Variants in GTF2E2 observed in about 807,000 individuals in gnomAD.
The protein encoded by GTF2E2 is transcription initiation factor IIE subunit beta.
In GTF2E2, 21 loss-of-function variants were observed where a neutral mutation model predicts 40.5. The ratio of observed to expected loss-of-function variants is 0.52; its 90% CI spans 0.37 to 0.75. The LOEUF is 0.75. GTF2E2 is among the 30% of genes least tolerant of loss of function. The pLI is 0.00. For synonymous variants in GTF2E2, 117 were observed against 121.6 expected (o/e 0.96, Z 0.25); for missense variants, 298 against 338.4 (o/e 0.88, Z 0.94).
chr8:30,598,094 A>G (rs1434316203), intron 6 of GTF2E2, among the ~76,000 whole-genome samples: 2 of 152,212 alleles, frequency 1.3e-5, no homozygotes, highest in African/African-American at 4.8e-5. Flanking sequence ...TAGAATATGT[A>G]TTACATATCT....
At chr8:30,591,015 A>G (rs888302046) in intron 6 of GTF2E2, among the ~76,000 whole-genome samples, 6 of 152,154 alleles carry the variant, frequency 3.9e-5, no homozygotes, top group Admixed American at 3.3e-4. Flanking sequence ...TTTATACCTC[A>G]TAAGACACCA....
intron 2 of GTF2E2, among the ~76,000 whole-genome samples, chr8:30,644,986 G>A (rs1802015183): frequency 6.6e-6 from 1 of 152,264 alleles, no homozygotes; most frequent in Non-Finnish European, 1.5e-5. Flanking sequence ...CTGGGCTCAA[G>A]TGATCTGCCC....
intron 3 of GTF2E2, among the ~76,000 whole-genome samples, chr8:30,627,669 A>G (rs1801328831): frequency 6.6e-6 from 1 of 152,162 alleles, no homozygotes; most frequent in Non-Finnish European, 1.5e-5. Context: ...CACTATTTAA[A>G]AAAAGTCTTG....
chr8:30,578,790 G>A lies in GTF2E2; in HGVS notation c.*131C>T, dbSNP rs138179046. 1 of 632,362 alleles carries A rather than the reference G, an allele frequency of 1.6e-6. No homozygotes were observed. Among genetic ancestry groups the A allele is most frequent in the African/African-American group, 1.8e-5 (1 of 54,846 alleles). The allele number at this position is 632,362 out of a possible 1,614,324, so 39.2% of individuals were successfully genotyped here. On this transcript the variant is annotated 3_prime_UTR_variant, in exon 8 of 8. Transcript: ENST00000355904. ...GCTTTGAGTTTGGTAATTTGCACTTGTTTTGTAAACTGAACTGCTCCTCTC... is the reference window on the plus strand; with the variant it reads ...GCTTTGAGTTTGGTAATTTGCACTTATTTTGTAAACTGAACTGCTCCTCTC...
rs146940269 is a variant in GTF2E2 at position 30,633,648 on chromosome 8, A to C, written c.258+1384T>G. Among the ~76,000 whole-genome samples, 579 of 152,318 alleles carry C rather than the reference A, an allele frequency of 3.8e-3. 2 individuals are homozygous for C. The highest frequency in any genetic ancestry group is 0.013 in the African/African-American group (532 of 41,580). ...CACATAGGGAAGTGAAGACCATATT[A>C]ACAGAGTAGCAAAAACATGACACTT... On this transcript the variant is annotated intron_variant, in intron 3 of 7. Coordinates refer to ENST00000355904, the MANE Select transcript of GTF2E2 (RefSeq NM_002095.6).
At chr8:30,592,804 A>G (rs1244411601) in intron 6 of GTF2E2, among the ~76,000 whole-genome samples, 1 of 152,246 alleles carries the variant, frequency 6.6e-6, no homozygotes, top group Non-Finnish European at 1.5e-5. Flanking sequence ...ACCAAAAGAC[A>G]TGGAGGGCCA....
intron 2 of GTF2E2, chr8:30,638,768 T>C (rs565787308): frequency 1.3e-5 from 2 of 152,514 alleles, no homozygotes; most frequent in South Asian, 4.1e-4. Context: ...AATGTATTCG[T>C]TTCACCGCTT....
chr8:30,585,775 A>T (rs1384309979), intron 6 of GTF2E2, among the ~76,000 whole-genome samples: 8 of 12,712 alleles, frequency 6.3e-4, no homozygotes, highest in African/African-American at 2.4e-3. Flanking sequence ...TGCCCTTTAA[A>T]AAAAAAAAAA....
At chr8:30,634,617 A>T (rs1302440850) in intron 3 of GTF2E2, among the ~76,000 whole-genome samples, 1 of 152,202 alleles carries the variant, frequency 6.6e-6, no homozygotes, top group East Asian at 1.9e-4. Flanking sequence ...CTCCTCCAAG[A>T]TGCAGAGAAG....
chr8:30,626,424 G>T (rs546733315), intron 3 of GTF2E2, among the ~76,000 whole-genome samples: 2 of 152,322 alleles, frequency 1.3e-5, no homozygotes, highest in East Asian at 3.9e-4. Flanking sequence ...GGTGGAGGTT[G>T]CAGTGAGCCG....
intron 2 of GTF2E2, among the ~76,000 whole-genome samples, chr8:30,642,494 T>G (rs537460384): frequency 6.6e-6 from 1 of 152,302 alleles, no homozygotes; most frequent in South Asian, 2.1e-4. Flanking sequence ...ATAAATAATA[T>G]ATTTAAATTG....
chr8:30,633,828 C>T (rs1312320222), intron 3 of GTF2E2, among the ~76,000 whole-genome samples: 4 of 152,096 alleles, frequency 2.6e-5, no homozygotes, highest in Non-Finnish European at 5.9e-5. Flanking sequence ...TGAATACTTA[C>T]GTGTCAAAAT....
chr8:30,583,062 G>A (rs550070780), intron 6 of GTF2E2, among the ~76,000 whole-genome samples: 21 of 152,060 alleles, frequency 1.4e-4, no homozygotes, highest in East Asian at 9.7e-4. Flanking sequence ...GGCTGGGCAC[G>A]GTGGCTCATG....
intron 3 of GTF2E2, among the ~76,000 whole-genome samples, chr8:30,625,608 T>A (rs1277554585): frequency 6.6e-6 from 1 of 151,312 alleles, no homozygotes; most frequent in Admixed American, 6.6e-5. Flanking sequence ...GGGCACTGTC[T>A]GTTGTTTTTT....
At chr8:30,650,076 C>A (rs1802220389) in intron 2 of GTF2E2, among the ~76,000 whole-genome samples, 1 of 152,060 alleles carries the variant, frequency 6.6e-6, no homozygotes, top group South Asian at 2.1e-4. Flanking sequence ...GAAAAGGGAG[C>A]ACTTCACAAA....
chr8:30,584,298 T>C lies in GTF2E2; in HGVS notation c.644-3902A>G, dbSNP rs114295902. Among the ~76,000 whole-genome samples the C allele has an allele frequency of 5.2e-3, 799 of 152,248 alleles. 11 individuals carry two copies. Among genetic ancestry groups the C allele is most frequent in the African/African-American group, 0.018 (758 of 41,540 alleles). On this transcript the variant is annotated intron_variant, in intron 6 of 7. Transcript: ENST00000355904. Reference sequence around the variant, plus strand: ...TGTATTTCCCCTCATTTGGAATCAATGATTTCTTCAAGGATTCCTGACTTG... The same window carrying C: ...TGTATTTCCCCTCATTTGGAATCAACGATTTCTTCAAGGATTCCTGACTTG...
intron 6 of GTF2E2, among the ~76,000 whole-genome samples, chr8:30,604,049 C>T (rs1829254294): frequency 6.6e-6 from 1 of 152,040 alleles, no homozygotes; most frequent in Non-Finnish European, 1.5e-5. Context: ...AGCAATTAGC[C>T]AGATACATTC....
intron 6 of GTF2E2, among the ~76,000 whole-genome samples, chr8:30,586,749 C>A (rs759689409): frequency 2.0e-5 from 3 of 152,104 alleles, no homozygotes; most frequent in Admixed American, 6.5e-5. Context: ...CAAGAACACA[C>A]AATGGGAAAA....
At chr8:30,634,939 G>C (rs1801542102) in intron 3 of GTF2E2, 93 bp downstream of exon 3, 2 of 652,440 alleles carry the variant, frequency 3.1e-6, no homozygotes, top group Non-Finnish European at 5.4e-6. Flanking sequence ...GATAAATTTT[G>C]ATGTATACAG....
Sources: gnomAD v4.1 joint callset for allele counts (sites outside exome capture counted in the v4.1 genomes callset) on GRCh38, gnomAD v4.1.1 for gene constraint, MANE v1.5 for transcripts, NCBI Gene and HGNC (gene_info 2026-07-23, HGNC 2026-07-21) for gene names.